DPY19L2: variants seen among roughly 807,000 people sequenced by gnomAD.
DPY19L2 encodes dpy-19 like 2.
A neutral mutation model predicts 97.9 loss-of-function variants in DPY19L2; 34 were observed. The ratio of observed to expected loss-of-function variants is 0.35; its 90% CI spans 0.26 to 0.46. The LOEUF is 0.46. Ranked by LOEUF, DPY19L2 falls within the 20% of genes least tolerant of loss-of-function variation. DPY19L2 has a pLI of 1.00. For missense variants in DPY19L2, 623 were observed against 911.4 expected (o/e 0.68, Z 4.07); for synonymous variants, 230 against 307.9 (o/e 0.75, Z 2.65).
intron 6 of DPY19L2, among the ~76,000 whole-genome samples, chr12:63,638,651 G>A (rs1429632628): frequency 1.3e-5 from 2 of 152,106 alleles, no homozygotes; most frequent in Non-Finnish European, 2.9e-5. Context: ...CACAAGGGAT[G>A]CGAAGGACCT....
chr12:63,580,605 A>T, intron 19 of DPY19L2, 57 bp downstream of exon 19: 2 of 1,473,286 alleles, frequency 1.4e-6, no homozygotes, highest in Middle Eastern at 1.8e-4. Flanking sequence ...TATATAGTAT[A>T]CACAAATGTG....
At chr12:63,587,323 G>C (rs1351935608) in intron 16 of DPY19L2, among the ~76,000 whole-genome samples, 2 of 151,900 alleles carry the variant, frequency 1.3e-5, no homozygotes, top group African/African-American at 4.8e-5. Context: ...TGTGAAGATA[G>C]CATTCTAAGA....
chr12:63,625,961 T>C (rs1889468413), intron 7 of DPY19L2, among the ~76,000 whole-genome samples: 1 of 147,600 alleles, frequency 6.8e-6, no homozygotes, highest in Non-Finnish European at 1.5e-5. Context: ...ATATAAGTTT[T>C]TATAAAATAT....
intron 16 of DPY19L2, among the ~76,000 whole-genome samples, chr12:63,592,092 A>AGAC (rs150018109): frequency 3.8e-4 from 33 of 87,270 alleles, no homozygotes; most frequent in African/African-American, 7.2e-4. Flanking sequence ...AGACAAGAGA[A>AGAC]AAGAGAAAAG....
chr12:63,668,014 C>A (rs746454651), intron 1 of DPY19L2, 43 bp downstream of exon 1: 1 of 1,572,054 alleles, frequency 6.4e-7, no homozygotes, highest in African/African-American at 1.4e-5. Flanking sequence ...TCAAGAAAAG[C>A]GCCATGCGGC....
chr12:63,598,044 G>T, intron 13 of DPY19L2, 134 bp from the exon 14 acceptor site: 19 of 568,620 alleles, frequency 3.3e-5, no homozygotes, highest in East Asian at 1.1e-4. Flanking sequence ...ATCCCTCTAA[G>T]AAAACAAAAA....
intron 21 of DPY19L2, among the ~76,000 whole-genome samples, chr12:63,568,749 T>C (rs1878242537): frequency 6.6e-6 from 1 of 152,080 alleles, no homozygotes; most frequent in Non-Finnish European, 1.5e-5. Context: ...TTACACACCT[T>C]AGAATTTTAT....
chr12:63,590,546 C>T (rs1282848811), intron 16 of DPY19L2, among the ~76,000 whole-genome samples: 3 of 151,826 alleles, frequency 2.0e-5, no homozygotes, highest in Non-Finnish European at 2.9e-5. Flanking sequence ...GCATGATGGT[C>T]AACAATAAAA....
intron 19 of DPY19L2, among the ~76,000 whole-genome samples, chr12:63,571,718 A>C (rs555588786): frequency 6.6e-6 from 1 of 152,286 alleles, no homozygotes; most frequent in African/African-American, 2.4e-5. Context: ...ACTTGCTGCT[A>C]GTACTTTTTG....
intron 21 of DPY19L2, among the ~76,000 whole-genome samples, chr12:63,564,205 T>G (rs1877194137): frequency 6.6e-6 from 1 of 152,178 alleles, no homozygotes; most frequent in African/African-American, 2.4e-5. Flanking sequence ...TTACTGACTT[T>G]TCCCTGTTTT....
chr12:63,595,816 A>C (rs1348450149), intron 15 of DPY19L2, 150 bp downstream of exon 15: 9 of 669,260 alleles, frequency 1.3e-5, no homozygotes, highest in Non-Finnish European at 2.2e-5. Context: ...GCTTTTTATA[A>C]AAAGATCGAT....
chr12:63,614,605 A>G (rs1240717294), intron 11 of DPY19L2, among the ~76,000 whole-genome samples: 1 of 152,138 alleles, frequency 6.6e-6, no homozygotes, highest in Non-Finnish European at 1.5e-5. Flanking sequence ...CTTTGGGAGA[A>G]GGCAAATGGA....
chr12:63,629,156 T>C (rs531412575), intron 6 of DPY19L2, among the ~76,000 whole-genome samples: 6 of 151,858 alleles, frequency 4.0e-5, no homozygotes, highest in Admixed American at 6.6e-5. Flanking sequence ...AAAATCAGAG[T>C]GCCTCTCCTC....
At chr12:63,667,591 ACTT>A (rs1456934320) in intron 1 of DPY19L2, among the ~76,000 whole-genome samples, 1 of 151,970 alleles carries the variant, frequency 6.6e-6, no homozygotes, top group African/African-American at 2.4e-5. Flanking sequence ...AACACTCCCA[ACTT>A]CTTTTATTTC....
intron 7 of DPY19L2, among the ~76,000 whole-genome samples, chr12:63,624,586 T>C (rs544481982): frequency 9.9e-5 from 15 of 152,202 alleles, no homozygotes; most frequent in South Asian, 6.2e-4. Context: ...GGAATGAATA[T>C]AAATACACAC....
intron 19 of DPY19L2, 61 bp downstream of exon 19, chr12:63,580,601 G>A: frequency 2.1e-6 from 3 of 1,435,574 alleles, no homozygotes; most frequent in Non-Finnish European, 1.9e-6. Flanking sequence ...ATTATATATA[G>A]TATACACAAA....
chr12:63,560,043 C>T lies in DPY19L2; in HGVS notation c.*469G>A, dbSNP rs953937646. 2 of 152,608 alleles carry T rather than the reference C, an allele frequency of 1.3e-5. 1 individual carries two copies. The highest frequency in any genetic ancestry group is 4.8e-5 in the African/African-American group (2 of 41,420). 9.5% of individuals were successfully genotyped at this position (152,608 alleles called of 1,614,324 possible). On this transcript the variant is annotated 3_prime_UTR_variant, in exon 22 of 22. Coordinates refer to ENST00000324472, the MANE Select transcript of DPY19L2 (RefSeq NM_173812.5). ...AAAAGACACACTGTTACAATTTCCT[C>T]ACAGAGGTAAAGAGGCTGTGACCAG...
At chr12:63,566,835 T>C (rs1434805908) in intron 21 of DPY19L2, among the ~76,000 whole-genome samples, 1 of 151,144 alleles carries the variant, frequency 6.6e-6, no homozygotes, top group African/African-American at 2.4e-5. Context: ...TTAGGTTAGT[T>C]ATATGTTTAG....
chr12:63,600,528 A>T lies in DPY19L2; in HGVS notation c.1279-142T>A, dbSNP rs550158415. 2.8e-4 allele frequency: 177 copies of T among 635,126 alleles called. 1 individual carries two copies. The highest frequency in any genetic ancestry group is 8.6e-4 in the Admixed American group (29 of 33,632). The allele number at this position is 635,126 out of a possible 1,614,324, so 39.3% of individuals were successfully genotyped here. On this transcript the variant is annotated intron_variant, in intron 12 of 21. Transcript: ENST00000324472. ...GTTTTTAAAAAAAGTTCCTTTAGAA[A>T]ATCTTGTTTAAAAGCAAAGAATTAA...
Sources: allele counts gnomAD v4.1 joint callset (sites outside exome capture counted in the v4.1 genomes callset), GRCh38; gene constraint gnomAD v4.1.1; transcripts MANE v1.5; gene names NCBI Gene and HGNC (gene_info 2026-07-23, HGNC 2026-07-21).